The following TRAPPC9 variants were observed in gnomAD, a reference collection of about 807,000 sequenced individuals.
TRAPPC9 encodes the protein IKK2 binding protein.
TRAPPC9 carries 83 observed loss-of-function variants against 124.0 expected under a neutral mutation model. The ratio of observed to expected loss-of-function variants is 0.67; its 90% CI spans 0.56 to 0.80. The LOEUF is 0.80. TRAPPC9 is among the 30% of genes least tolerant of loss of function. The pLI is 0.00. For missense variants in TRAPPC9, 1,302 were observed against 1,508.3 expected (o/e 0.86, Z 2.27); for synonymous variants, 638 against 617.5 (o/e 1.03, Z -0.49).
intron 17 of TRAPPC9, among the ~76,000 whole-genome samples, chr8:140,037,108 CA>C (rs1284098738): frequency 6.6e-6 from 1 of 151,766 alleles, no homozygotes; most frequent in African/African-American, 2.4e-5. Context: ...CAAATTTTTA[CA>C]AAATGCATCT....
intron 19 of TRAPPC9, among the ~76,000 whole-genome samples, chr8:139,950,284 T>C (rs902075884): frequency 6.6e-6 from 1 of 152,224 alleles, no homozygotes; most frequent in African/African-American, 2.4e-5. Context: ...ACAAATACTT[T>C]TTACTTGGCA....
rs1282852008 is a variant in TRAPPC9 at position 140,105,817 on chromosome 8, C to A, written c.2557-81738G>T. ...AGGAAGGAGAGAGACTGCATGCAGTCTGAATCTCAGAACACCAGAGGGTCT... is the reference window on the plus strand; with the variant it reads ...AGGAAGGAGAGAGACTGCATGCAGTATGAATCTCAGAACACCAGAGGGTCT... On this transcript the variant is annotated intron_variant, in intron 17 of 22. Transcript: ENST00000438773. Among the ~76,000 whole-genome samples, 10 of 152,264 alleles carry A rather than the reference C, an allele frequency of 6.6e-5. No individual in the cohort carries two copies. The East Asian group carries it at 1.4e-3, about 21-fold the overall frequency.
At chr8:139,787,059 T>A (rs1258528771) in intron 21 of TRAPPC9, among the ~76,000 whole-genome samples, 2 of 152,128 alleles carry the variant, frequency 1.3e-5, no homozygotes, top group Non-Finnish European at 2.9e-5. Context: ...ACAAAGCTGT[T>A]AAAAAAATTC....
In TRAPPC9 at chr8:139,984,874, C is replaced by T. The variant is rs1837144865; in HGVS notation, c.2810+3852G>A. 6.6e-6 allele frequency among the ~76,000 whole-genome samples: 1 copy of T among 152,138 alleles called. No homozygotes were observed. The highest frequency in any genetic ancestry group is 1.5e-5 in the Non-Finnish European group (1 of 68,022). On this transcript the variant is annotated intron_variant, in intron 19 of 22. Transcript: ENST00000438773. The surrounding 1 kb of genome is among the most constrained non-coding windows in gnomAD (Gnocchi z 4.3). ...GGACGTAACCTCATGACCTCTAGTT[C>T]ACCCAACGCTCCCACCCGGCCCGGG...
chr8:140,364,218 C>A (rs2132200413), intron 8 of TRAPPC9, among the ~76,000 whole-genome samples: 1 of 145,634 alleles, frequency 6.9e-6, no homozygotes, highest in South Asian at 2.2e-4. Context: ...AAGACCACTC[C>A]TAAGATAACT....
intron 5 of TRAPPC9, among the ~76,000 whole-genome samples, chr8:140,410,887 CAAAG>C (rs1564006060): frequency 6.7e-6 from 1 of 149,608 alleles, no homozygotes; most frequent in African/African-American, 2.4e-5. Context: ...AACAGCAACT[CAAAG>C]AACTGTAAAA....
At chr8:139,990,173 A>G (rs1202413553) in intron 18 of TRAPPC9, among the ~76,000 whole-genome samples, 4 of 152,128 alleles carry the variant, frequency 2.6e-5, no homozygotes, top group East Asian at 1.9e-4. Flanking sequence ...CTGTTAAAGG[A>G]AAGTCTGGTC....
intron 19 of TRAPPC9, among the ~76,000 whole-genome samples, chr8:139,965,428 G>A (rs1405209096): frequency 4.6e-5 from 7 of 152,202 alleles, no homozygotes; most frequent in Non-Finnish European, 7.3e-5. Context: ...TGAACAGACT[G>A]AAGTCTGCAC....
At chr8:139,835,730 T>G (rs956760430) in intron 21 of TRAPPC9, among the ~76,000 whole-genome samples, 1 of 151,736 alleles carries the variant, frequency 6.6e-6, no homozygotes, top group Non-Finnish European at 1.5e-5. Flanking sequence ...CAGGCCTCAC[T>G]GCTTTGCCAA....
chr8:139,803,928 C>T lies in TRAPPC9; in HGVS notation c.3056-71726G>A, dbSNP rs1226413818. Among the ~76,000 whole-genome samples, 2 of 152,078 alleles carry T rather than the reference C, an allele frequency of 1.3e-5. 1 individual carries two copies. Among genetic ancestry groups the T allele is most frequent in the Non-Finnish European group, 2.9e-5 (2 of 68,008 alleles). On this transcript the variant is annotated intron_variant, in intron 21 of 22. Coordinates refer to ENST00000438773, the MANE Select transcript of TRAPPC9 (RefSeq NM_001160372.4). ...CATTTGAACTTTCAACGGAGTTTACCACAGATGAAGAAAGATGGTCCCCAA... is the reference window on the plus strand; with the variant it reads ...CATTTGAACTTTCAACGGAGTTTACTACAGATGAAGAAAGATGGTCCCCAA...
intron 5 of TRAPPC9, among the ~76,000 whole-genome samples, chr8:140,416,172 A>C (rs2069921643): frequency 6.6e-6 from 1 of 152,142 alleles, no homozygotes; most frequent in Non-Finnish European, 1.5e-5. Context: ...AGAGAGAAGA[A>C]TCAAGTTACT....
At chr8:140,275,437 T>C (rs1240043522) in intron 15 of TRAPPC9, among the ~76,000 whole-genome samples, 1 of 152,224 alleles carries the variant, frequency 6.6e-6, no homozygotes, top group Non-Finnish European at 1.5e-5. Context: ...GCTGTGTGTC[T>C]TTCATGAAGA....
intron 21 of TRAPPC9, among the ~76,000 whole-genome samples, chr8:139,752,082 C>A (rs947668061): frequency 1.3e-5 from 2 of 151,818 alleles, no homozygotes; most frequent in Non-Finnish European, 1.5e-5. Context: ...ATCCACCATT[C>A]ATCCACTCTA....
At chr8:140,151,008 AGAT>A (rs1219994742) in intron 17 of TRAPPC9, among the ~76,000 whole-genome samples, 14 of 152,250 alleles carry the variant, frequency 9.2e-5, no homozygotes, top group Admixed American at 9.2e-4. Flanking sequence ...AAAACCAGCA[AGAT>A]GACATTTAGC....
intron 2 of TRAPPC9, among the ~76,000 whole-genome samples, chr8:140,443,309 G>A (rs923979514): frequency 1.4e-4 from 21 of 151,238 alleles, no homozygotes; most frequent in South Asian, 2.1e-4. Flanking sequence ...GGTGGTGGGC[G>A]CCTGTAGTCC....
At chr8:139,925,621 G>A (rs553240260) in intron 19 of TRAPPC9, among the ~76,000 whole-genome samples, 26 of 152,050 alleles carry the variant, frequency 1.7e-4, no homozygotes, top group South Asian at 6.2e-4. Flanking sequence ...GGTAGTGCAC[G>A]CCTGTAATCC....
intron 1 of TRAPPC9, among the ~76,000 whole-genome samples, chr8:140,452,947 CA>C (rs2071521714): frequency 6.6e-6 from 1 of 152,168 alleles, no homozygotes. Flanking sequence ...AAGGTGTCAG[CA>C]AGTCAACATT....
chr8:140,335,293 G>C (rs1353828192), intron 9 of TRAPPC9, among the ~76,000 whole-genome samples: 2 of 152,168 alleles, frequency 1.3e-5, no homozygotes, highest in Non-Finnish European at 2.9e-5. Context: ...ACTATTCCAA[G>C]TATAGGTGTT....
rs1835178926 is a variant in TRAPPC9, at chr8:139,958,927, A to AAAGGGGAG, written c.2810+29798_2810+29799insCTCCCCTT. Among the ~76,000 whole-genome samples the AAAGGGGAG allele has an allele frequency of 3.4e-3, 505 of 149,078 alleles. 13 individuals are homozygous for AAAGGGGAG. Among genetic ancestry groups the AAAGGGGAG allele is most frequent in the African/African-American group, 0.012 (479 of 39,726 alleles). ...AGGGGAGCACTGCATTCCGAGTCAC[A>AAAGGGGAG]CGGGGGAGCACTGCATTCCGAGTCA... On this transcript the variant is annotated intron_variant, in intron 19 of 22. Transcript: ENST00000438773.
Sources: allele counts gnomAD v4.1 joint callset (sites outside exome capture counted in the v4.1 genomes callset), GRCh38; gene constraint gnomAD v4.1.1; non-coding constraint Gnocchi (gnomAD v3.1); transcripts MANE v1.5; gene names NCBI Gene and HGNC (gene_info 2026-07-23, HGNC 2026-07-21).